The following CCDC34 variants were observed in gnomAD, a reference collection of about 807,000 sequenced individuals.
CCDC34 encodes coiled-coil domain containing 34.
In CCDC34, 40 loss-of-function variants were observed where a neutral mutation model predicts 44.1. The ratio of observed to expected loss-of-function variants is 0.91; its 90% CI spans 0.70 to 1.18. CCDC34 has a LOEUF of 1.18. Among genes scored for constraint, CCDC34 ranks in the 50% most tolerant of loss-of-function variants. The probability of loss-of-function intolerance (pLI) is 0.00; values close to 1 mark genes in which losing one functional copy is unlikely to be tolerated. For missense variants in CCDC34, 466 were observed against 452.3 expected (o/e 1.03, Z -0.28); for synonymous variants, 159 against 158.2 (o/e 1.01, Z -0.04).
chr11:27,348,976 A>G (rs1862469794), intron 3 of CCDC34: 1 of 984,910 alleles, frequency 1.0e-6, no homozygotes, highest in African/African-American at 1.7e-5. Flanking sequence ...TCCAAAAGAA[A>G]TAATTTTTTT....
chr11:27,344,448 A>G (rs190847627), intron 3 of CCDC34, among the ~76,000 whole-genome samples: 47 of 152,170 alleles, frequency 3.1e-4, no homozygotes, highest in Non-Finnish European at 1.5e-4. Context: ...CATATATGCT[A>G]TAACATGTTA....
chr11:27,340,937 A>T lies in CCDC34; in HGVS notation c.766-100T>A, dbSNP rs1862348644. On this transcript the variant is annotated intron_variant, in intron 4 of 5. Coordinates refer to ENST00000328697, the MANE Select transcript of CCDC34 (RefSeq NM_030771.2). Reference sequence around the variant, plus strand: ...TTTTTCTCCAGTAGCTTCCTACCCCAATGGCTTACTGGCCATAATACTGAA... The same window carrying T: ...TTTTTCTCCAGTAGCTTCCTACCCCTATGGCTTACTGGCCATAATACTGAA... The T allele has an allele frequency of 5.7e-6, 6 of 1,048,410 alleles. No individual in the cohort carries two copies. In the South Asian group the frequency reaches 9.5e-5, roughly 17 times the overall value. The allele number at this position is 1,048,410 out of a possible 1,614,324, so 64.9% of individuals were successfully genotyped here. A position where few individuals can be genotyped will look rare whatever the true frequency, so the allele number is the denominator to read the frequency against.
At chr11:27,340,654 T>G (rs772976196) in intron 5 of CCDC34, 42 bp downstream of exon 5, 1 of 1,550,780 alleles carries the variant, frequency 6.4e-7, no homozygotes, top group East Asian at 2.3e-5. Flanking sequence ...TATTTGCTTC[T>G]GCAAACCATA....
chr11:27,344,852 A>G (rs1862411063), intron 3 of CCDC34, among the ~76,000 whole-genome samples: 1 of 152,164 alleles, frequency 6.6e-6, no homozygotes, highest in Non-Finnish European at 1.5e-5. Flanking sequence ...ATGATTCTAA[A>G]CTGTATATGG....
At chr11:27,351,334 AC>A (rs1862501175) in intron 2 of CCDC34, among the ~76,000 whole-genome samples, 1 of 152,110 alleles carries the variant, frequency 6.6e-6, no homozygotes. Flanking sequence ...CAATTTTCCA[AC>A]CCTCAGACTA....
At chr11:27,346,760 T>C in intron 3 of CCDC34, among the ~76,000 whole-genome samples, 1 of 152,192 alleles carries the variant, frequency 6.6e-6, no homozygotes, top group East Asian at 1.9e-4. Context: ...CAAATTCCTA[T>C]GTTGAATCCC....
Position 27,338,751 on chromosome 11 carries a change from G to T in CCDC34, c.*70C>A. On this transcript the variant is annotated 3_prime_UTR_variant, in exon 6 of 6. Coordinates refer to ENST00000328697, the MANE Select transcript of CCDC34 (RefSeq NM_030771.2). ...CATTAAGTGTTGAGTTATTGACTGA[G>T]CAGTAAAAAACAATTTCTGATTTTT... is the stretch of plus-strand genomic sequence containing the variant. 2 of 1,249,806 alleles carry T rather than the reference G, an allele frequency of 1.6e-6. No homozygotes were observed. Among genetic ancestry groups the T allele is most frequent in the Non-Finnish European group, 2.3e-6 (2 of 864,698 alleles). 77.4% of individuals were successfully genotyped at this position (1,249,806 alleles called of 1,614,324 possible).
intron 3 of CCDC34, among the ~76,000 whole-genome samples, chr11:27,345,620 A>C (rs12804551): frequency 0.3 from 44,933 of 151,716 alleles, 6,886 homozygotes; most frequent in South Asian, 0.43. Context: ...TGAACTCATC[A>C]TTTTTTATGG....
At chr11:27,355,106 C>A (rs1247281009) in intron 2 of CCDC34, among the ~76,000 whole-genome samples, 1 of 152,064 alleles carries the variant, frequency 6.6e-6, no homozygotes, top group Non-Finnish European at 1.5e-5. Context: ...CTGGAAGTGA[C>A]CCTCCTTTTC....
At chr11:27,361,557 A>T (rs1222095272) in intron 1 of CCDC34, among the ~76,000 whole-genome samples, 1 of 152,226 alleles carries the variant, frequency 6.6e-6, no homozygotes, top group East Asian at 1.9e-4. Flanking sequence ...CAGGTTGATC[A>T]GAGGAGGCCT....
chr11:27,348,376 T>C, intron 3 of CCDC34, among the ~76,000 whole-genome samples: 1 of 152,184 alleles, frequency 6.6e-6, no homozygotes, highest in South Asian at 2.1e-4. Context: ...AAATAATTTT[T>C]AAAAACATTA....
At chr11:27,343,690 G>A (rs989738594) in intron 3 of CCDC34, among the ~76,000 whole-genome samples, 2 of 152,122 alleles carry the variant, frequency 1.3e-5, no homozygotes, top group Non-Finnish European at 2.9e-5. Context: ...TTTAATTATA[G>A]CAGCTGACAT....
chr11:27,355,155 AG>A (rs1364950809), intron 2 of CCDC34, among the ~76,000 whole-genome samples: 2 of 152,206 alleles, frequency 1.3e-5, no homozygotes, highest in African/African-American at 4.8e-5. Flanking sequence ...CTGTAGATAA[AG>A]CCCAATACCA....
chr11:27,346,474 A>AGAAG (rs35249457), intron 3 of CCDC34, among the ~76,000 whole-genome samples: 66,856 of 127,710 alleles, frequency 0.52, 18,660 homozygotes, highest in South Asian at 0.63. Context: ...GACAGAGGAA[A>AGAAG]GAAGGAAGGA....
chr11:27,338,793 G>C lies in CCDC34; in HGVS notation c.*28C>G, dbSNP rs180944145. The stretch of plus-strand genomic sequence containing the variant: ...CTGATTTTTAAATTAAATAGCTCCA[G>C]ATAAAAGCATGTTATTTTCCACATA... On this transcript the variant is annotated 3_prime_UTR_variant, in exon 6 of 6. Coordinates refer to ENST00000328697, the MANE Select transcript of CCDC34 (RefSeq NM_030771.2). 4.1e-4 allele frequency: 646 copies of C among 1,558,574 alleles called. No homozygotes were observed. Among genetic ancestry groups the C allele is most frequent in the Non-Finnish European group, 5.5e-4 (620 of 1,133,480 alleles).
At chr11:27,346,033 C>T (rs1371933345) in intron 3 of CCDC34, among the ~76,000 whole-genome samples, 1 of 151,764 alleles carries the variant, frequency 6.6e-6, no homozygotes, top group African/African-American at 2.4e-5. Flanking sequence ...TCTCTGATGG[C>T]CATTTCTTAA....
intron 1 of CCDC34, among the ~76,000 whole-genome samples, chr11:27,358,782 TATCA>T (rs1862615533): frequency 6.6e-6 from 1 of 152,126 alleles, no homozygotes. Context: ...TCAACTTAAA[TATCA>T]ATCAGTTGAA....
intron 4 of CCDC34, 34 bp from the exon 5 acceptor site, chr11:27,340,871 T>C: frequency 1.9e-6 from 3 of 1,601,428 alleles, no homozygotes; most frequent in Non-Finnish European, 2.6e-6. Flanking sequence ...TTTCCAGGGA[T>C]ATTCTGTAAC....
intron 3 of CCDC34, among the ~76,000 whole-genome samples, chr11:27,342,494 T>G (rs145301687): frequency 6.6e-6 from 1 of 152,130 alleles, no homozygotes; most frequent in Admixed American, 6.5e-5. Context: ...TAATGCTCAT[T>G]AAACACTGTA....
Sources: allele counts gnomAD v4.1 joint callset (sites outside exome capture counted in the v4.1 genomes callset), GRCh38; gene constraint gnomAD v4.1.1; transcripts MANE v1.5; gene names NCBI Gene and HGNC (gene_info 2026-07-23, HGNC 2026-07-21).